AIG1: variants seen among roughly 807,000 people sequenced by gnomAD.
AIG1 encodes the protein androgen-induced gene 1 protein.
A neutral mutation model predicts 31.4 loss-of-function variants in AIG1; 23 were observed. That is an observed-to-expected ratio of 0.73 (90% CI 0.53 to 1.04). The LOEUF (loss-of-function observed/expected upper bound fraction) is 1.04, where lower values mean the gene tolerates loss of function less well. Among genes scored for constraint, AIG1 ranks in the 50% least tolerant of loss-of-function variants. The probability of loss-of-function intolerance (pLI) is 0.00; values close to 1 mark genes in which losing one functional copy is unlikely to be tolerated. For missense variants in AIG1, 274 were observed against 295.0 expected, an observed-to-expected ratio of 0.93 and a Z score of 0.52; for synonymous variants, 100 against 110.5, an observed-to-expected ratio of 0.90 and a Z score of 0.60.
chr6:143,227,941 A>G (rs1328829503), intron 3 of AIG1, among the ~76,000 whole-genome samples: 3 of 152,170 alleles, frequency 2.0e-5, no homozygotes, highest in African/African-American at 7.2e-5. Flanking sequence ...TTAGGTATCT[A>G]TTATCTACCT....
At chr6:143,162,651 G>A (rs1257741176) in intron 2 of AIG1, among the ~76,000 whole-genome samples, 2 of 152,200 alleles carry the variant, frequency 1.3e-5, no homozygotes, top group African/African-American at 4.8e-5. Flanking sequence ...CTCCATCCAA[G>A]ACTGAAGTGG....
chr6:143,343,055 G>T (rs1181720065), downstream of AIG1: 1 of 787,900 alleles, frequency 1.3e-6, no homozygotes, highest in East Asian at 2.4e-5. Context: ...CGAAGATATG[G>T]ACCATCACTT....
intron 1 of AIG1, among the ~76,000 whole-genome samples, chr6:143,084,104 C>T (rs1014258423): frequency 4.6e-5 from 7 of 152,166 alleles, no homozygotes; most frequent in African/African-American, 1.4e-4. Flanking sequence ...ACTGAGAAGG[C>T]CGCACCAGTG....
intron 3 of AIG1, among the ~76,000 whole-genome samples, chr6:143,217,815 C>T (rs1792154669): frequency 6.6e-6 from 1 of 152,178 alleles, no homozygotes; most frequent in Non-Finnish European, 1.5e-5. Flanking sequence ...GACCACTTTC[C>T]ACATAGTTTT....
intron 3 of AIG1, among the ~76,000 whole-genome samples, chr6:143,281,532 C>T (rs2060510955): frequency 6.6e-6 from 1 of 152,142 alleles, no homozygotes; most frequent in Non-Finnish European, 1.5e-5. Context: ...AAATAATTAT[C>T]TCTCTTGCTG....
upstream of AIG1, among the ~76,000 whole-genome samples, chr6:143,059,381 G>A (rs1282169148): frequency 6.6e-6 from 1 of 152,088 alleles, no homozygotes; most frequent in African/African-American, 2.4e-5. Flanking sequence ...TAATCTACCG[G>A]CAGGAACCAA....
Position 143,268,198 on chromosome 6 carries a change from G to A in AIG1, c.400-15912G>A, listed in dbSNP as rs1796279776. On this transcript the variant is annotated intron_variant, in intron 3 of 5. Coordinates refer to ENST00000357847, the MANE Select transcript of AIG1 (RefSeq NM_016108.4). This position sits in a 1 kb window ranked among gnomAD's most constrained non-coding sequence, Gnocchi z 5.0. ...AAAATGACAAAACATAGGGCCATAAGGAGGAATAAAACCAAAGGTTGGTTG... is the reference window on the plus strand; with the variant it reads ...AAAATGACAAAACATAGGGCCATAAAGAGGAATAAAACCAAAGGTTGGTTG... Among the ~76,000 whole-genome samples, 1 of 152,136 alleles carries A rather than the reference G, an allele frequency of 6.6e-6. No individual in the cohort carries two copies. Among genetic ancestry groups the A allele is most frequent in the Non-Finnish European group, 1.5e-5 (1 of 68,020 alleles).
rs1312656463 is a variant in AIG1 at position 143,258,046 on chromosome 6, C to T, written c.400-26064C>T. Among the ~76,000 whole-genome samples, 1 of 152,174 alleles carries T rather than the reference C, an allele frequency of 6.6e-6. No individual in the cohort carries two copies. The highest frequency in any genetic ancestry group is 1.5e-5 in the Non-Finnish European group (1 of 68,048). On this transcript the variant is annotated intron_variant, in intron 3 of 5. Coordinates refer to ENST00000357847, the MANE Select transcript of AIG1 (RefSeq NM_016108.4). This position sits in a 1 kb window ranked among gnomAD's most constrained non-coding sequence, Gnocchi z 4.7. ...AACAGAAACTAATAACTACTGAATG[C>T]CTGTTATAAGCCAACCTGATGCCCA...
intron 2 of AIG1, 76 bp downstream of exon 2, chr6:143,137,066 G>C: frequency 2.3e-6 from 3 of 1,290,860 alleles, no homozygotes; most frequent in South Asian, 6.2e-5. Flanking sequence ...GAAAAAAAAA[G>C]AGTTCATTAT....
intron 1 of AIG1, chr6:143,094,009 G>A (rs1295860349): frequency 1.3e-5 from 2 of 152,188 alleles, no homozygotes; most frequent in East Asian, 3.8e-4. Flanking sequence ...ACCAAAATGG[G>A]ACAGAGAGAC....
In AIG1 at chr6:143,329,335, G is replaced by A. The variant is rs1039329451; in HGVS notation, c.516-3947G>A. On this transcript the variant is annotated intron_variant, in intron 4 of 5. Transcript: ENST00000357847. The surrounding 1 kb of genome is among the most constrained non-coding windows in gnomAD (Gnocchi z 4.9). ...TAGTCTGATCTCAGTTTCTTTACCT[G>A]TTTAAAGAGAATAATCATACCTAAT... Among the ~76,000 whole-genome samples the A allele has an allele frequency of 6.6e-6, 1 of 152,128 alleles. No homozygotes were observed. Among genetic ancestry groups the A allele is most frequent in the Non-Finnish European group, 1.5e-5 (1 of 68,020 alleles).
downstream of AIG1, chr6:143,342,216 C>T (rs918763192): frequency 1.3e-5 from 9 of 667,298 alleles, no homozygotes; most frequent in Non-Finnish European, 2.2e-5. Context: ...AGCCATTGCG[C>T]CCGTCCTAAA....
intron 3 of AIG1, among the ~76,000 whole-genome samples, chr6:143,210,093 G>A (rs1791467670): frequency 6.6e-6 from 1 of 152,196 alleles, no homozygotes; most frequent in Admixed American, 6.5e-5. Context: ...CCCTCATGCT[G>A]TTCTTGTGAT....
Position 143,327,600 on chromosome 6 carries a change from A to G in AIG1, c.516-5682A>G, listed in dbSNP as rs973264010. On this transcript the variant is annotated intron_variant, in intron 4 of 5. Transcript: ENST00000357847. This position sits in a 1 kb window ranked among gnomAD's most constrained non-coding sequence, Gnocchi z 5.3. ...AATAAGCTCTATACTTCAGTTACCT[A>G]TGTACCTGTTACCACTTTCAAAAAT... is the stretch of plus-strand genomic sequence containing the variant. 10 of 344,868 alleles carry G rather than the reference A, an allele frequency of 2.9e-5. No homozygotes were observed. Among genetic ancestry groups the G allele is most frequent in the African/African-American group, 2.0e-4 (9 of 45,478 alleles). 21.4% of individuals were successfully genotyped at this position (344,868 alleles called of 1,614,324 possible).
At chr6:143,154,762 A>C (rs1192563506) in intron 2 of AIG1, among the ~76,000 whole-genome samples, 1 of 152,206 alleles carries the variant, frequency 6.6e-6, no homozygotes, top group Non-Finnish European at 1.5e-5. Context: ...CGCTGGGGGA[A>C]GGATACACAG....
intron 3 of AIG1, chr6:143,190,085 A>T: frequency 1.3e-6 from 1 of 743,892 alleles, no homozygotes; most frequent in Non-Finnish European, 1.6e-6. Context: ...CACCCCAGTG[A>T]CCTAATCACT....
At chr6:143,115,307 G>GA (rs1781643158) in intron 1 of AIG1, among the ~76,000 whole-genome samples, 1 of 152,176 alleles carries the variant, frequency 6.6e-6, no homozygotes, top group Admixed American at 6.5e-5. Context: ...GTAGCCATTT[G>GA]AAAGTACCCC....
In AIG1 at chr6:143,263,528, A is replaced by C. The variant is rs541279769; in HGVS notation, c.400-20582A>C. Among the ~76,000 whole-genome samples the C allele has an allele frequency of 2.0e-5, 3 of 152,338 alleles. No homozygotes were observed. In the South Asian group the frequency reaches 6.2e-4, roughly 32 times the overall value. On this transcript the variant is annotated intron_variant, in intron 3 of 5. Transcript: ENST00000357847. ...ATTTTATGAATGTAACTTTAATAACAAGGTAATACCCACAAATTAAAGAAC... is the reference window on the plus strand; with the variant it reads ...ATTTTATGAATGTAACTTTAATAACCAGGTAATACCCACAAATTAAAGAAC...
chr6:143,272,589 G>A (rs1257115080), intron 3 of AIG1, among the ~76,000 whole-genome samples: 1 of 152,224 alleles, frequency 6.6e-6, no homozygotes, highest in Non-Finnish European at 1.5e-5. Context: ...ATAGAAATGT[G>A]AGGCTGATTC....
Sources: gnomAD v4.1 joint callset for allele counts (sites outside exome capture counted in the v4.1 genomes callset) on GRCh38, gnomAD v4.1.1 for gene constraint, Gnocchi (gnomAD v3.1) non-coding constraint, MANE v1.5 for transcripts, NCBI Gene and HGNC (gene_info 2026-07-23, HGNC 2026-07-21) for gene names.